Variants in FMN1 observed in about 807,000 individuals in gnomAD.
FMN1 encodes formin 1.
In FMN1, 110 loss-of-function variants were observed where a neutral mutation model predicts 132.4. The ratio of observed to expected loss-of-function variants is 0.83; its 90% CI spans 0.71 to 0.97. The LOEUF (loss-of-function observed/expected upper bound fraction) is 0.97, where lower values mean the gene tolerates loss of function less well. FMN1 is among the 50% of genes least tolerant of loss of function. The pLI is 0.00. For missense variants in FMN1, 1,792 were observed against 1,705.3 expected, an observed-to-expected ratio of 1.05 and a Z score of -0.90; for synonymous variants, 722 against 651.7, an observed-to-expected ratio of 1.11 and a Z score of -1.64.
At chr15:32,938,855 T>G (rs1166424017) in intron 9 of FMN1, among the ~76,000 whole-genome samples, 1 of 152,242 alleles carries the variant, frequency 6.6e-6, no homozygotes, top group Non-Finnish European at 1.5e-5. Flanking sequence ...TCTTATGAAT[T>G]GTCTTTATAT....
At chr15:33,087,108 G>A (rs1226688595) in intron 5 of FMN1, among the ~76,000 whole-genome samples, 1 of 152,220 alleles carries the variant, frequency 6.6e-6, no homozygotes, top group African/African-American at 2.4e-5. Flanking sequence ...CAGGAAACTG[G>A]ATGGGTAAAG....
intron 10 of FMN1, among the ~76,000 whole-genome samples, chr15:32,917,626 T>TCA (rs948752808): frequency 5.9e-5 from 9 of 152,186 alleles, no homozygotes; most frequent in African/African-American, 2.2e-4. Context: ...AGGCACAAAG[T>TCA]CACACTGCTT....
chr15:33,169,285 G>A (rs185828596), intron 3 of FMN1, among the ~76,000 whole-genome samples: 132 of 152,282 alleles, frequency 8.7e-4, no homozygotes, highest in Non-Finnish European at 1.6e-3. Context: ...ACTTGCTATA[G>A]CGGCCTCACG....
chr15:32,910,324 A>T, intron 11 of FMN1, 150 bp downstream of exon 11: 1 of 630,642 alleles, frequency 1.6e-6, no homozygotes. Flanking sequence ...TGCTTCTCAC[A>T]TCCACTCCCA....
Position 33,066,653 on chromosome 15 carries a change from C to T in FMN1, c.2044-1579G>A, listed in dbSNP as rs369308582. 2.4e-5 allele frequency: 39 copies of T among 1,613,528 alleles called. No homozygotes were observed. The highest frequency in any genetic ancestry group is 9.9e-5 in the South Asian group (9 of 91,038). On this transcript the variant is annotated intron_variant, in intron 5 of 20. Coordinates refer to ENST00000616417, the MANE Select transcript of FMN1 (RefSeq NM_001277313.2). ...AGCTGTGGTCCCCTTTCTGGGGGGC[C>T]GGATGAATAGGGCTTTAAAAGCCTC...
intron 9 of FMN1, among the ~76,000 whole-genome samples, chr15:32,943,228 AG>A (rs551996275): frequency 4.3e-4 from 65 of 152,360 alleles, no homozygotes; most frequent in African/African-American, 1.5e-3. Flanking sequence ...TCAGCTATAT[AG>A]AACAAGTGTG....
At chr15:32,900,733 TTTTC>T (rs1196332142) in intron 13 of FMN1, among the ~76,000 whole-genome samples, 11 of 152,372 alleles carry the variant, frequency 7.2e-5, no homozygotes, top group East Asian at 5.8e-4. Context: ...CTGCTTAGGA[TTTTC>T]TTTGTCTCCC....
chr15:33,101,404 A>C (rs2039288970), intron 4 of FMN1, among the ~76,000 whole-genome samples: 1 of 152,172 alleles, frequency 6.6e-6, no homozygotes, highest in Admixed American at 6.5e-5. Flanking sequence ...ATTGGAAGAA[A>C]AATTGTCTTT....
At chr15:32,879,458 T>C (rs772702501) in intron 16 of FMN1, among the ~76,000 whole-genome samples, 1 of 152,192 alleles carries the variant, frequency 6.6e-6, no homozygotes, top group Non-Finnish European at 1.5e-5. Context: ...CAAAAGGTGA[T>C]AAATTAGCCA....
chr15:33,023,553 C>T (rs1434291820), intron 6 of FMN1, among the ~76,000 whole-genome samples: 8 of 151,986 alleles, frequency 5.3e-5, no homozygotes, highest in Non-Finnish European at 1.2e-4. Context: ...AAACAAAATA[C>T]TCAACAGACA....
chr15:32,917,068 CCA>C (rs1168746806), intron 10 of FMN1, among the ~76,000 whole-genome samples: 1 of 152,202 alleles, frequency 6.6e-6, no homozygotes, highest in African/African-American at 2.4e-5. Context: ...AAACATCTTC[CCA>C]CAGTTTTCCC....
intron 4 of FMN1, among the ~76,000 whole-genome samples, chr15:33,123,011 G>C (rs372359703): frequency 8.2e-4 from 124 of 151,168 alleles, no homozygotes; most frequent in African/African-American, 2.8e-3. Context: ...GCCGAGAGAG[G>C]TTAAGTAATC....
intron 3 of FMN1, among the ~76,000 whole-genome samples, chr15:33,163,587 C>A (rs1055518917): frequency 7.6e-6 from 1 of 132,020 alleles, no homozygotes; most frequent in Middle Eastern, 3.8e-3. Context: ...AGCTACCATG[C>A]CTGGCTGTTT....
At chr15:32,775,842 T>A (rs2056399575) in intron 20 of FMN1, among the ~76,000 whole-genome samples, 3 of 152,154 alleles carry the variant, frequency 2.0e-5, no homozygotes, top group Admixed American at 1.3e-4. Flanking sequence ...AAGGTACTAA[T>A]AATCTAAAAG....
chr15:33,007,989 G>A (rs184969941), intron 7 of FMN1, 25 bp downstream of exon 7: 20 of 1,580,144 alleles, frequency 1.3e-5, no homozygotes, highest in Middle Eastern at 1.7e-4. Flanking sequence ...TATAGAACCC[G>A]TTCAGTAGCA....
intron 17 of FMN1, among the ~76,000 whole-genome samples, chr15:32,815,115 TG>T (rs1305764732): frequency 6.6e-6 from 1 of 152,068 alleles, no homozygotes; most frequent in Non-Finnish European, 1.5e-5. Context: ...GCTAATTTTT[TG>T]TATTTTTAGT....
intron 8 of FMN1, among the ~76,000 whole-genome samples, chr15:32,966,049 T>C (rs1207417643): frequency 2.0e-5 from 3 of 152,090 alleles, no homozygotes; most frequent in Non-Finnish European, 2.9e-5. Flanking sequence ...GCATGCGGCA[T>C]GTTAAGGGCC....
At chr15:33,097,103 T>G (rs2039114267) in intron 4 of FMN1, among the ~76,000 whole-genome samples, 1 of 151,776 alleles carries the variant, frequency 6.6e-6, no homozygotes, top group East Asian at 1.9e-4. Flanking sequence ...AGACCAGCCT[T>G]GGTGACATGG....
At chr15:33,128,688 A>C (rs1328503947) in intron 4 of FMN1, among the ~76,000 whole-genome samples, 1 of 152,220 alleles carries the variant, frequency 6.6e-6, no homozygotes, top group Non-Finnish European at 1.5e-5. Context: ...CACTGACTTC[A>C]CGAATAAACC....
Sources: gnomAD v4.1 joint callset for allele counts (sites outside exome capture counted in the v4.1 genomes callset) on GRCh38, gnomAD v4.1.1 for gene constraint, MANE v1.5 for transcripts, NCBI Gene and HGNC (gene_info 2026-07-23, HGNC 2026-07-21) for gene names.